Variants in DYM observed in about 807,000 individuals in gnomAD.
DYM encodes the protein dyggve-Melchior-Clausen syndrome protein.
Under a neutral mutation model 93.1 loss-of-function variants are expected in DYM, and 78 were observed. The ratio of observed to expected loss-of-function variants is 0.84; its 90% CI spans 0.70 to 1.01. DYM has a LOEUF of 1.01. Among genes scored for constraint, DYM ranks in the 50% least tolerant of loss-of-function variants. The pLI is 0.00. For missense variants in DYM, 789 were observed against 845.0 expected (o/e 0.93, Z 0.82); for synonymous variants, 321 against 319.7 (o/e 1.00, Z -0.04).
At chr18:49,402,819 G>A (rs932661676) in intron 2 of DYM, among the ~76,000 whole-genome samples, 13 of 152,276 alleles carry the variant, frequency 8.5e-5, no homozygotes, top group African/African-American at 3.1e-4. Flanking sequence ...TTCCAATCTT[G>A]TGCTTGTTAC....
At chr18:49,290,072 T>G (rs906845439) in intron 8 of DYM, among the ~76,000 whole-genome samples, 1 of 151,706 alleles carries the variant, frequency 6.6e-6, no homozygotes, top group Non-Finnish European at 1.5e-5. Flanking sequence ...CAATTCTTTT[T>G]TTTTTTCTAT....
chr18:49,329,881 A>C (rs1251055208), intron 8 of DYM, among the ~76,000 whole-genome samples: 2 of 152,236 alleles, frequency 1.3e-5, no homozygotes, highest in African/African-American at 2.4e-5. Context: ...GAACTTCCAA[A>C]TCATATTTTC....
At chr18:49,427,333 A>T (rs1396091352) in intron 2 of DYM, among the ~76,000 whole-genome samples, 1 of 152,182 alleles carries the variant, frequency 6.6e-6, no homozygotes, top group Non-Finnish European at 1.5e-5. Context: ...AATTTGTTTT[A>T]AAAATGACAT....
At chr18:49,237,753 G>C (rs2093913894) in intron 13 of DYM, among the ~76,000 whole-genome samples, 1 of 152,110 alleles carries the variant, frequency 6.6e-6, no homozygotes, top group African/African-American at 2.4e-5. Context: ...TCAGTTTCTT[G>C]TGTGTCCTTC....
At chr18:49,213,126 G>C (rs1172271428) in intron 13 of DYM, among the ~76,000 whole-genome samples, 1 of 152,076 alleles carries the variant, frequency 6.6e-6, no homozygotes, top group East Asian at 1.9e-4. Flanking sequence ...CTAAAATAAA[G>C]TACAACAATA....
At chr18:49,447,748 C>T (rs1318232997) in intron 1 of DYM, among the ~76,000 whole-genome samples, 1 of 152,198 alleles carries the variant, frequency 6.6e-6, no homozygotes, top group East Asian at 1.9e-4. Context: ...ACCGTCATAT[C>T]TCTTATCCTC....
intron 13 of DYM, among the ~76,000 whole-genome samples, chr18:49,232,554 C>T (rs981587880): frequency 6.7e-6 from 1 of 148,956 alleles, no homozygotes; most frequent in Non-Finnish European, 1.5e-5. Context: ...CTGCTCGCCT[C>T]GGCCTCCAAA....
intron 17 of DYM, among the ~76,000 whole-genome samples, chr18:49,056,521 T>C (rs1404621640): frequency 2.0e-5 from 3 of 152,204 alleles, no homozygotes; most frequent in Non-Finnish European, 4.4e-5. Context: ...TTTTCATTCA[T>C]GATTCCTGCT....
At chr18:49,131,008 C>T (rs1485566259) in intron 15 of DYM, among the ~76,000 whole-genome samples, 4 of 152,216 alleles carry the variant, frequency 2.6e-5, no homozygotes, top group African/African-American at 9.6e-5. Flanking sequence ...AATGAGAGAA[C>T]TACTTACTTT....
rs1206072974 is a variant in DYM, at chr18:49,442,096, A to G, written c.-53-11649T>C. The stretch of plus-strand genomic sequence containing the variant: ...TTTAGGAACTGCCAGGCCAATTTAA[A>G]AAATAGATCGTCACCTCACAGCAAT... On this transcript the variant is annotated intron_variant, in intron 1 of 17. Transcript: ENST00000675505. Among the ~76,000 whole-genome samples, 4 of 152,324 alleles carry G rather than the reference A, an allele frequency of 2.6e-5. No homozygotes were observed. In the East Asian group the frequency reaches 7.7e-4, roughly 29 times the overall value.
chr18:49,424,246 T>C (rs560845413), intron 2 of DYM, among the ~76,000 whole-genome samples: 1 of 152,002 alleles, frequency 6.6e-6, no homozygotes, highest in Non-Finnish European at 1.5e-5. Flanking sequence ...GTTCAACATA[T>C]GCAAATCAAT....
At chr18:49,455,374 A>G (rs2082895932) in intron 1 of DYM, among the ~76,000 whole-genome samples, 1 of 152,196 alleles carries the variant, frequency 6.6e-6, no homozygotes, top group African/African-American at 2.4e-5. Flanking sequence ...TCTAATTCTC[A>G]TCTTTTTACA....
chr18:49,183,870 T>A (rs2090168004), intron 14 of DYM, among the ~76,000 whole-genome samples: 1 of 152,034 alleles, frequency 6.6e-6, no homozygotes, highest in African/African-American at 2.4e-5. Context: ...AGGATTAGTG[T>A]CTCCATACAA....
At chr18:49,079,397 T>A (rs1568383718) in intron 17 of DYM, among the ~76,000 whole-genome samples, 1 of 151,850 alleles carries the variant, frequency 6.6e-6, no homozygotes, top group Non-Finnish European at 1.5e-5. Context: ...GAGATTCTTT[T>A]TTTTTTTTTT....
chr18:49,352,688 C>T (rs1462854553), intron 6 of DYM, among the ~76,000 whole-genome samples: 1 of 152,100 alleles, frequency 6.6e-6, no homozygotes, highest in African/African-American at 2.4e-5. Context: ...AATTATACAT[C>T]AATAAACCTA....
intron 8 of DYM, among the ~76,000 whole-genome samples, chr18:49,311,163 A>G (rs1445578770): frequency 6.6e-6 from 1 of 152,224 alleles, no homozygotes; most frequent in Admixed American, 6.5e-5. Flanking sequence ...CCGAAGCCAC[A>G]GAGGCAGAGA....
rs78084432 is a variant in DYM, at chr18:49,363,104, T to C, written c.494+57A>G. 559 of 1,382,112 alleles carry C rather than the reference T, an allele frequency of 4.0e-4. 2 individuals are homozygous for C. The East Asian group carries it at 6.9e-3, about 17-fold the overall frequency. 85.6% of individuals were successfully genotyped at this position (1,382,112 alleles called of 1,614,324 possible). On this transcript the variant is annotated intron_variant, in intron 6 of 17. Coordinates refer to ENST00000675505, the MANE Select transcript of DYM (RefSeq NM_001353214.3). ...CCCACAAACTTCTCAACATGATCAA[T>C]GATTATCTGCCATATACAAAGAAGA...
intron 8 of DYM, among the ~76,000 whole-genome samples, chr18:49,313,102 G>T (rs757780427): frequency 6.6e-6 from 1 of 152,132 alleles, no homozygotes; most frequent in African/African-American, 2.4e-5. Flanking sequence ...GGAGGTTAAG[G>T]CATTCTGAGT....
chr18:49,168,378 A>T (rs995295405), intron 14 of DYM, among the ~76,000 whole-genome samples: 4 of 152,228 alleles, frequency 2.6e-5, no homozygotes, highest in Non-Finnish European at 5.9e-5. Flanking sequence ...AGAACATGCT[A>T]TCTTGAAGAA....
Sources: allele counts gnomAD v4.1 joint callset (sites outside exome capture counted in the v4.1 genomes callset), GRCh38; gene constraint gnomAD v4.1.1; transcripts MANE v1.5; gene names NCBI Gene and HGNC (gene_info 2026-07-23, HGNC 2026-07-21).